Variants in SH3KBP1 observed in about 807,000 individuals in gnomAD.
SH3KBP1 encodes the protein SH3 domain containing kinase binding protein 1, also known as SH3 domain-containing kinase-binding protein 1.
Under a neutral mutation model 50.1 loss-of-function variants are expected in SH3KBP1, and 8 were observed. That is an observed-to-expected ratio of 0.16 (90% CI 0.09 to 0.29). SH3KBP1 has a LOEUF of 0.29. Ranked by LOEUF, SH3KBP1 falls within the 10% of genes least tolerant of loss-of-function variation. The pLI, the probability that SH3KBP1 is intolerant of heterozygous loss-of-function variation, is 1.00. For missense variants in SH3KBP1, 377 were observed against 535.2 expected (o/e 0.70, Z 2.92); for synonymous variants, 227 against 218.6 (o/e 1.04, Z -0.34).
chrX:19,726,494 T>C (rs1012244611), intron 3 of SH3KBP1, among the ~76,000 whole-genome samples: 8 of 111,432 alleles, frequency 7.2e-5, no homozygotes, highest in Admixed American at 5.7e-4. Context: ...TTTTTTAACT[T>C]TTATTTTAGG....
At chrX:19,722,559 CGT>C (rs2064090937) in intron 3 of SH3KBP1, among the ~76,000 whole-genome samples, 1 of 95,274 alleles carries the variant, frequency 1.0e-5, no homozygotes, top group African/African-American at 4.2e-5. Context: ...TGTGTGTGCG[CGT>C]GCGCACTGGT....
At chrX:19,675,594 C>T (rs2062909550) in intron 6 of SH3KBP1, among the ~76,000 whole-genome samples, 1 of 110,534 alleles carries the variant, frequency 9.0e-6, no homozygotes, top group Admixed American at 9.6e-5. Context: ...TTAGTAGAGA[C>T]TGGGTTTCAC....
chrX:19,843,014 T>G (rs1459990607), intron 1 of SH3KBP1, among the ~76,000 whole-genome samples: 2 of 85,071 alleles, frequency 2.4e-5, no homozygotes, highest in African/African-American at 9.1e-5. Context: ...TCAACTTTTT[T>G]TTTTTTTTTT....
At chrX:19,769,389 C>T (rs2065718803) in intron 2 of SH3KBP1, among the ~76,000 whole-genome samples, 1 of 110,623 alleles carries the variant, frequency 9.0e-6, no homozygotes, top group South Asian at 3.8e-4. Context: ...CAGGTGTGAG[C>T]CACCACACCA....
intron 2 of SH3KBP1, among the ~76,000 whole-genome samples, chrX:19,832,236 G>A (rs762504941): frequency 1.8e-5 from 2 of 111,868 alleles, no homozygotes; most frequent in East Asian, 5.6e-4. Context: ...GAGCAGGTGA[G>A]CGCAGGGCAA....
rs968025317 is a variant in SH3KBP1 at position 19,663,011 on chromosome X, G to A, written c.727-17536C>T. Among the ~76,000 whole-genome samples, 5 of 110,784 alleles carry A rather than the reference G, an allele frequency of 4.5e-5. No individual in the cohort carries two copies. The Admixed American group carries it at 4.8e-4, about 11-fold the overall frequency. On this transcript the variant is annotated intron_variant, in intron 6 of 17. Transcript: ENST00000397821. ...TAACTTCAGTTTAACAGCAAGTCTT[G>A]GGAGGAACAGGAGTCTTAAGGTTGT...
chrX:19,561,546 C>T (rs1421935537), intron 13 of SH3KBP1, among the ~76,000 whole-genome samples: 2 of 111,833 alleles, frequency 1.8e-5, no homozygotes, highest in Non-Finnish European at 3.8e-5. Flanking sequence ...TTTCCTTGCC[C>T]CCAACATTTC....
chrX:19,699,607 G>C (rs1180690764), intron 4 of SH3KBP1, among the ~76,000 whole-genome samples: 1 of 112,741 alleles, frequency 8.9e-6, no homozygotes, highest in Non-Finnish European at 1.9e-5. Context: ...ACACCTGGTA[G>C]CGTTTGAGAA....
At chrX:19,776,532 G>T (rs867006584) in intron 2 of SH3KBP1, among the ~76,000 whole-genome samples, 1 of 25,677 alleles carries the variant, frequency 3.9e-5, no homozygotes, top group African/African-American at 1.7e-4. Flanking sequence ...TGACAACCTG[G>T]TTTTTTTTTT....
intron 2 of SH3KBP1, among the ~76,000 whole-genome samples, chrX:19,795,085 A>G (rs761126099): frequency 8.9e-6 from 1 of 112,148 alleles, no homozygotes; most frequent in African/African-American, 3.2e-5. Context: ...TCAATGCTTC[A>G]AGGCATGTTA....
At chrX:19,616,656 T>C (rs191201171) in intron 8 of SH3KBP1, among the ~76,000 whole-genome samples, 1 of 111,698 alleles carries the variant, frequency 9.0e-6, no homozygotes, top group East Asian at 2.8e-4. Context: ...TTGTCTTCCC[T>C]GAAAGAGTGT....
At chrX:19,551,624 A>G (rs2065245590) in intron 13 of SH3KBP1, among the ~76,000 whole-genome samples, 1 of 100,331 alleles carries the variant, frequency 1.0e-5, no homozygotes. Flanking sequence ...GGCTCACTGT[A>G]GCCTCAACCT....
At chrX:19,797,340 G>A (rs781683234) in intron 2 of SH3KBP1, among the ~76,000 whole-genome samples, 1 of 111,495 alleles carries the variant, frequency 9.0e-6, no homozygotes, top group East Asian at 2.8e-4. Context: ...GAAAAAAAGG[G>A]GCATTCCCAG....
chrX:19,751,832 C>T (rs779919484), intron 2 of SH3KBP1, among the ~76,000 whole-genome samples: 49 of 112,177 alleles, frequency 4.4e-4, no homozygotes, highest in African/African-American at 1.5e-3. Flanking sequence ...ACACATTCAG[C>T]GGCCTGCAAA....
chrX:19,867,166 T>C (rs1319973244), intron 1 of SH3KBP1, among the ~76,000 whole-genome samples: 1 of 111,563 alleles, frequency 9.0e-6, no homozygotes, highest in African/African-American at 3.3e-5. Context: ...GCTGTGGTCT[T>C]GGCCTGGGCG....
chrX:19,589,847 C>T (rs892845677), intron 11 of SH3KBP1, among the ~76,000 whole-genome samples: 11 of 108,614 alleles, frequency 1.0e-4, no homozygotes, highest in Non-Finnish European at 2.1e-4. Flanking sequence ...GGGCTGGGCG[C>T]GGTGGCTCAC....
chrX:19,551,918 A>G (rs2065253768), intron 13 of SH3KBP1, among the ~76,000 whole-genome samples: 2 of 111,466 alleles, frequency 1.8e-5, no homozygotes, highest in Admixed American at 1.9e-4. Context: ...CTGATGATAA[A>G]TGTAATACAT....
chrX:19,684,692 G>A (rs1445046637), intron 5 of SH3KBP1, among the ~76,000 whole-genome samples: 3 of 112,024 alleles, frequency 2.7e-5, no homozygotes, highest in Non-Finnish European at 3.8e-5. Flanking sequence ...AAAGGAAGCC[G>A]TCCTCCCAGA....
At chrX:19,541,718 C>T (rs183495882) in intron 16 of SH3KBP1, among the ~76,000 whole-genome samples, 192 of 112,265 alleles carry the variant, frequency 1.7e-3, no homozygotes, top group African/African-American at 6.2e-3. Context: ...TTCCTGCACA[C>T]AGTAAGTCCA....
Sources: allele counts gnomAD v4.1 joint callset (sites outside exome capture counted in the v4.1 genomes callset), GRCh38; gene constraint gnomAD v4.1.1; transcripts MANE v1.5; gene names NCBI Gene and HGNC (gene_info 2026-07-23, HGNC 2026-07-21).